The following IRAG2 variants were observed in gnomAD, a reference collection of about 807,000 sequenced individuals.
The protein encoded by IRAG2 is lymphoid restricted membrane protein.
A neutral mutation model predicts 69.9 loss-of-function variants in IRAG2; 45 were observed. The observed-to-expected ratio is 0.64, with a 90% CI of 0.51 to 0.83. The LOEUF (loss-of-function observed/expected upper bound fraction) is 0.83. Ranked by LOEUF, IRAG2 falls within the 40% of genes least tolerant of loss-of-function variation. The pLI is 0.00. For synonymous variants in IRAG2, 193 were observed against 202.4 expected (o/e 0.95, Z 0.40); for missense variants, 520 against 587.0 (o/e 0.89, Z 1.18).
Position 25,015,441 on chromosome 12 carries a change from A to ACT in IRAG2, c.1055+16_1055+17dup. On this transcript the variant is annotated intron_variant, in intron 5 of 38. Coordinates refer to the IRAG2 transcript ENST00000636465. Reference sequence around the variant, plus strand: ...CTAAAGGAGTCTTGTAAGCCTTCTTACTCTGCTTTCGCAAGTGTTTCAACT... The same window carrying ACT: ...CTAAAGGAGTCTTGTAAGCCTTCTTACTCTCTGCTTTCGCAAGTGTTTCAACT... 4.1e-6 allele frequency: 5 copies of ACT among 1,227,174 alleles called. No individual in the cohort carries two copies. In the Admixed American group the frequency reaches 1.3e-4, roughly 31 times the overall value. 76.0% of individuals were successfully genotyped at this position (1,227,174 alleles called of 1,614,324 possible).
chr12:24,999,133 G>A, the IRAG2 span, among the ~76,000 whole-genome samples: 1 of 152,152 alleles, frequency 6.6e-6, no homozygotes, highest in African/African-American at 2.4e-5. Context: ...TAAAGAATAA[G>A]AAATATTGTC....
At chr12:25,010,245 G>A (rs1364728321) in intron 2 of IRAG2, among the ~76,000 whole-genome samples, 3 of 152,198 alleles carry the variant, frequency 2.0e-5, no homozygotes, top group Non-Finnish European at 4.4e-5. Context: ...GGGAGGCCCA[G>A]GCAGGTGGAT....
chr12:25,103,640 T>C (rs1019367965), intron 17 of IRAG2, 197 bp from the exon 18 acceptor site: 1 of 531,760 alleles, frequency 1.9e-6, no homozygotes, highest in Non-Finnish European at 3.3e-6. Context: ...TAATCCAACA[T>C]TGAGTTAGGT....
At chr12:25,104,997 G>A (rs1473784573) in intron 20 of IRAG2, among the ~76,000 whole-genome samples, 2 of 151,482 alleles carry the variant, frequency 1.3e-5, no homozygotes, top group Middle Eastern at 3.4e-3. Context: ...GGGCAAGAAG[G>A]AGGGATATGC....
intron 10 of IRAG2, among the ~76,000 whole-genome samples, chr12:25,030,813 A>T (rs1207528123): frequency 6.6e-6 from 1 of 152,280 alleles, no homozygotes; most frequent in South Asian, 2.1e-4. Flanking sequence ...TTAGTGTGCC[A>T]ATCTACCAGT....
chr12:25,079,073 G>A (rs551505650), intron 6 of IRAG2, among the ~76,000 whole-genome samples, 171 bp from the exon 7 acceptor site: 1 of 152,206 alleles, frequency 6.6e-6, no homozygotes, highest in South Asian at 2.1e-4. Flanking sequence ...CAGCTTTGAG[G>A]AAGTGTGTAT....
At position 25,084,540 on chromosome 12, in the gene IRAG2, GGTGTGTGTGTGT is replaced by G. The variant is rs34550767; in HGVS notation, c.315+1064_315+1075del. 1.4e-4 allele frequency among the ~76,000 whole-genome samples: 20 copies of G among 147,334 alleles called. No homozygotes were observed. The South Asian group carries it at 4.2e-3, about 31-fold the overall frequency. On this transcript the variant is annotated intron_variant, in intron 10 of 21. Coordinates refer to ENST00000556887, the MANE Select transcript of IRAG2 (RefSeq NM_001366544.2). ...TCTTGCTATGTTGTATGCATGGAGG[GGTGTGTGTGTGT>G]GTGTGTGTGTGTGTGTATTATTGTT...
chr12:25,047,638 T>C (rs1433281583), upstream of IRAG2, among the ~76,000 whole-genome samples: 1 of 152,104 alleles, frequency 6.6e-6, no homozygotes, highest in Non-Finnish European at 1.5e-5. Context: ...AGGCTTCCAG[T>C]GTGTGGTGTT....
chr12:25,023,911 T>C, exon 8 of IRAG2: 1 of 1,228,078 alleles, frequency 8.1e-7, no homozygotes. Context: ...ATTCGGATTC[T>C]ACAGGAAGAG....
chr12:25,002,179 A>G (rs1028784987), upstream of IRAG2, among the ~76,000 whole-genome samples: 1 of 152,156 alleles, frequency 6.6e-6, no homozygotes, highest in Non-Finnish European at 1.5e-5. Flanking sequence ...CTCTTCTGTC[A>G]TTACTGCTAC....
intron 2 of IRAG2, among the ~76,000 whole-genome samples, chr12:25,009,780 C>T (rs1238897206): frequency 6.9e-6 from 1 of 144,104 alleles, no homozygotes; most frequent in Non-Finnish European, 1.5e-5. Context: ...GAAGAGCCAA[C>T]ATTTCAATTC....
rs374341799 is a variant in IRAG2, at chr12:25,077,288, T to A, written c.25-1956T>A. Among the ~76,000 whole-genome samples, 144 of 25,184 alleles carry A rather than the reference T, an allele frequency of 5.7e-3. 11 individuals carry two copies. Among genetic ancestry groups the A allele is most frequent in the African/African-American group, 0.013 (123 of 9,244 alleles). 16.5% of individuals were successfully genotyped at this position (25,184 alleles called of 152,430 possible). A position where few individuals can be genotyped will look rare whatever the true frequency, so the allele number is the denominator to read the frequency against. ...TGAAATATATATGAAATATATATGA[T>A]ATATATATGAAATATATATGATATA... On this transcript the variant is annotated intron_variant, in intron 6 of 21. Transcript: ENST00000556887.
chr12:25,050,708 A>G (rs1944847875), upstream of IRAG2, among the ~76,000 whole-genome samples: 1 of 152,242 alleles, frequency 6.6e-6, no homozygotes, highest in African/African-American at 2.4e-5. Context: ...TATTCTCAAT[A>G]GCCAAGATTT....
intron 3 of IRAG2, among the ~76,000 whole-genome samples, chr12:25,014,126 C>T (rs1004740361): frequency 6.6e-6 from 1 of 151,886 alleles, no homozygotes; most frequent in African/African-American, 2.4e-5. Flanking sequence ...CTGCCCTCCT[C>T]TGCCTCCCAA....
chr12:25,023,383 A>G (rs1461325793), intron 7 of IRAG2, among the ~76,000 whole-genome samples: 1 of 152,064 alleles, frequency 6.6e-6, no homozygotes, highest in Non-Finnish European at 1.5e-5. Flanking sequence ...TTTGGCAAAT[A>G]GCCTGTCCTG....
rs956529888 is a variant in IRAG2 at position 25,018,287 on chromosome 12, G to A, written c.1214+995G>A. 1.2e-4 allele frequency among the ~76,000 whole-genome samples: 17 copies of A among 138,406 alleles called. 1 individual carries two copies. The South Asian group carries it at 2.7e-3, about 22-fold the overall frequency. The allele number at this position is 138,406 out of a possible 152,430, so 90.8% of individuals were successfully genotyped here. On this transcript the variant is annotated intron_variant, in intron 6 of 38. Coordinates refer to the IRAG2 transcript ENST00000636465. ...TCTCAGCTCACTGCATGCAACCTCC[G>A]TCTCCTAGGCTCAAGTGATCTTCTG...
At chr12:25,082,428 G>T (rs11836030) in intron 9 of IRAG2, among the ~76,000 whole-genome samples, 4 of 151,384 alleles carry the variant, frequency 2.6e-5, no homozygotes, top group South Asian at 2.1e-4. Flanking sequence ...GTGAAACCCC[G>T]TCTCTGCAAA....
In IRAG2 at chr12:25,074,096, C is replaced by A. The variant is rs540795525; in HGVS notation, c.24+4665C>A. ...GTGTGAACTTGGACACATGACCTAA[C>A]CTGTCTGAATTTGCTGTGTCCCCTG... On this transcript the variant is annotated intron_variant, in intron 6 of 21. Coordinates refer to ENST00000556887, the MANE Select transcript of IRAG2 (RefSeq NM_001366544.2). Among the ~76,000 whole-genome samples, 3 of 152,342 alleles carry A rather than the reference C, an allele frequency of 2.0e-5. No individual in the cohort carries two copies. The South Asian group carries it at 6.2e-4, about 32-fold the overall frequency.
At chr12:25,028,216 C>T (rs1353627713) in intron 9 of IRAG2, among the ~76,000 whole-genome samples, 1 of 152,198 alleles carries the variant, frequency 6.6e-6, no homozygotes, top group Non-Finnish European at 1.5e-5. Context: ...TGAACCACCA[C>T]GCCTGGCCTT....
Sources: allele counts gnomAD v4.1 joint callset (sites outside exome capture counted in the v4.1 genomes callset), GRCh38; gene constraint gnomAD v4.1.1; transcripts MANE v1.5; gene names NCBI Gene and HGNC (gene_info 2026-07-23, HGNC 2026-07-21).